NGFR: variants seen among roughly 807,000 people sequenced by gnomAD.
NGFR encodes nerve growth factor receptor.
Under a neutral mutation model 43.2 loss-of-function variants are expected in NGFR, and 30 were observed. The ratio of observed to expected loss-of-function variants is 0.69; its 90% confidence interval spans 0.52 to 0.94. The LOEUF is 0.94. Ranked by LOEUF, NGFR falls within the 40% of genes least tolerant of loss-of-function variation. The probability of loss-of-function intolerance (pLI) is 0.00; values close to 1 mark genes in which losing one functional copy is unlikely to be tolerated. For synonymous variants in NGFR, 246 were observed against 259.6 expected, an observed-to-expected ratio of 0.95 and a Z score of 0.50; for missense variants, 529 against 602.5, an observed-to-expected ratio of 0.88 and a Z score of 1.28.
At chr17:49,507,141 G>A (rs963433181) in intron 3 of NGFR, among the ~76,000 whole-genome samples, 4 of 152,122 alleles carry the variant, frequency 2.6e-5, no homozygotes, top group Admixed American at 6.5e-5. Flanking sequence ...CCTGGTCTAG[G>A]TCCATGGTGG....
chr17:49,511,735 G>A (rs2071233665), intron 4 of NGFR, among the ~76,000 whole-genome samples, 157 bp from the exon 5 acceptor site: 1 of 152,112 alleles, frequency 6.6e-6, no homozygotes, highest in East Asian at 1.9e-4. Context: ...GGTAGGTGGG[G>A]GCAGATGTGC....
In NGFR at chr17:49,510,383, G is replaced by A. The variant is rs563295846; in HGVS notation, c.569-29G>A. On this transcript the variant is annotated intron_variant, in intron 3 of 5. Transcript: ENST00000172229. ...TAAAAGGGAGGAGTGGGGGAAGTGG[G>A]TCCTCACTCCTGTGGCCTTTTCTCC... The A allele has an allele frequency of 5.6e-6, 9 of 1,607,770 alleles. No individual in the cohort carries two copies. The South Asian group carries it at 7.7e-5, about 14-fold the overall frequency.
chr17:49,497,052 T>C (rs189982313), intron 1 of NGFR: 10 of 152,352 alleles, frequency 6.6e-5, no homozygotes, highest in African/African-American at 1.9e-4. Context: ...TCACAGCAAG[T>C]TGGGCCAGAG....
At chr17:49,505,930 G>A (rs867182437) in intron 2 of NGFR, 5 of 221,094 alleles carry the variant, frequency 2.3e-5, no homozygotes, top group Middle Eastern at 1.4e-3. Flanking sequence ...GGGGAGGGCT[G>A]GGTGGGAACC....
At chr17:49,509,895 A>G (rs961437884) in intron 3 of NGFR, among the ~76,000 whole-genome samples, 2 of 152,180 alleles carry the variant, frequency 1.3e-5, no homozygotes, top group Non-Finnish European at 2.9e-5. Context: ...CTCTCTGACC[A>G]GACCTGTGTA....
At chr17:49,500,397 C>T (rs1044495422) in intron 1 of NGFR, among the ~76,000 whole-genome samples, 1 of 152,208 alleles carries the variant, frequency 6.6e-6, no homozygotes, top group Non-Finnish European at 1.5e-5. Flanking sequence ...ATGCCAGATA[C>T]CGCATCAGGC....
intron 3 of NGFR, among the ~76,000 whole-genome samples, chr17:49,509,849 G>A (rs747890954): frequency 6.6e-6 from 1 of 152,198 alleles, no homozygotes; most frequent in African/African-American, 2.4e-5. Flanking sequence ...CAAAAAGTCG[G>A]GGAGTGCTCT....
chr17:49,512,820 G>T lies in NGFR; in HGVS notation c.1095G>T (p.Glu365Asp). Residue 365 changes from glutamate (E) to aspartate (D), a missense_variant, in exon 6 of 6, where the codon GAG becomes GAT. By Grantham distance (45) the Glu-to-Asp change is conservative. Coordinates refer to ENST00000172229, the MANE Select transcript of NGFR (RefSeq NM_002507.4). This position sits in a 1 kb window ranked among gnomAD's most constrained non-coding sequence, Gnocchi z 5.2. ...ACACCTGGCGGCACCTGGCGGGCGA[G>T]CTGGGCTACCAGCCCGAGCACATAG... ...AGDTWRHLAG[E>D]LGYQPEHIDS... 2 of 1,613,470 alleles carry T rather than the reference G, an allele frequency of 1.2e-6. No individual in the cohort carries two copies. The highest frequency in any genetic ancestry group is 1.7e-6 in the Non-Finnish European group (2 of 1,179,978).
At chr17:49,510,748 C>G in intron 4 of NGFR, 84 bp downstream of exon 4, 6 of 1,541,280 alleles carry the variant, frequency 3.9e-6, no homozygotes, top group Non-Finnish European at 5.3e-6. Flanking sequence ...TGAAAACATA[C>G]ACACCCTTTT....
intron 3 of NGFR, among the ~76,000 whole-genome samples, chr17:49,507,545 A>T (rs974380496): frequency 6.6e-6 from 1 of 152,110 alleles, no homozygotes; most frequent in African/African-American, 2.4e-5. Context: ...GGTTCTTGGG[A>T]TGGGAGAAGG....
Position 49,506,377 on chromosome 17 carries a change from C to A in NGFR, c.287C>A (p.Ser96Ter). 1 of 1,600,368 alleles carries A rather than the reference C, an allele frequency of 6.2e-7. No individual in the cohort carries two copies. Among genetic ancestry groups the A allele is most frequent in the Non-Finnish European group, 8.5e-7 (1 of 1,176,676 alleles). ...CTECVGLQSMSAPCVEADDAV... is the reference protein window; with the variant it reads ...CTECVGLQSM Reference sequence around the variant, plus strand: ...GAGTGCGTGGGGCTCCAGAGCATGTCGGCGCCGTGCGTGGAGGCCGACGAC... The same window carrying A: ...GAGTGCGTGGGGCTCCAGAGCATGTAGGCGCCGTGCGTGGAGGCCGACGAC... The change falls in exon 3 of 6, where the codon TCG becomes TAG. Residue 96 changes from serine to a stop codon, truncating the protein, a stop_gained. Transcript: ENST00000172229. LOFTEE classifies it high-confidence loss of function.
chr17:49,513,172 C>A lies in NGFR; in HGVS notation c.*163C>A. ...CCAGGCCCCAAAACCACAGCCCTGT[C>A]AGTGCAGCCCGTGTGGCCCCTTCAC... On this transcript the variant is annotated 3_prime_UTR_variant, in exon 6 of 6. Coordinates refer to ENST00000172229, the MANE Select transcript of NGFR (RefSeq NM_002507.4). 1 of 702,416 alleles carries A rather than the reference C, an allele frequency of 1.4e-6. No homozygotes were observed. Among genetic ancestry groups the A allele is most frequent in the Non-Finnish European group, 2.3e-6 (1 of 437,948 alleles). The allele number at this position is 702,416 out of a possible 1,614,324, so 43.5% of individuals were successfully genotyped here. A position where few individuals can be genotyped will look rare whatever the true frequency, so the allele number is the denominator to read the frequency against.
intron 3 of NGFR, among the ~76,000 whole-genome samples, chr17:49,508,371 T>A (rs1444888408): frequency 1.3e-5 from 2 of 152,170 alleles, no homozygotes; most frequent in Non-Finnish European, 2.9e-5. Flanking sequence ...CAGCCCACTT[T>A]CCCAGCCACC....
chr17:49,501,295 G>C (rs2071165741), intron 1 of NGFR, among the ~76,000 whole-genome samples: 1 of 152,200 alleles, frequency 6.6e-6, no homozygotes, highest in Non-Finnish European at 1.5e-5. Context: ...TGGGTGGTGA[G>C]AGCAGCCACT....
intron 1 of NGFR, 64 bp from the exon 2 acceptor site, chr17:49,501,999 A>AAC: frequency 3.0e-6 from 1 of 330,984 alleles, no homozygotes; most frequent in Non-Finnish European, 5.9e-6. Flanking sequence ...TCCCCGGAAG[A>AAC]ACCCCCCCCA....
chr17:49,505,965 G>T (rs1310087892), intron 2 of NGFR: 1 of 314,216 alleles, frequency 3.2e-6, no homozygotes, highest in Non-Finnish European at 5.8e-6. Flanking sequence ...CCTTAATCAT[G>T]CTGGGAACAT....
intron 1 of NGFR, chr17:49,497,881 A>G (rs1366642690): frequency 6.6e-6 from 1 of 152,400 alleles, no homozygotes; most frequent in Non-Finnish European, 1.5e-5. Context: ...CCCCTACCGC[A>G]CTGTTCCAGC....
chr17:49,501,999 A>AGGGCCCCCCCCCCCCCCCCCCCC, intron 1 of NGFR, 64 bp from the exon 2 acceptor site: 1 of 330,984 alleles, frequency 3.0e-6, no homozygotes, highest in African/African-American at 2.2e-5. Context: ...TCCCCGGAAG[A>AGGGCCCCCCCCCCCCCCCCCCCC]ACCCCCCCCA....
intron 1 of NGFR, 64 bp from the exon 2 acceptor site, chr17:49,501,998 GA>G: frequency 2.0e-6 from 1 of 508,524 alleles, no homozygotes. Context: ...TTCCCCGGAA[GA>G]ACCCCCCCCA....
Sources: gnomAD v4.1 joint callset for allele counts (sites outside exome capture counted in the v4.1 genomes callset) on GRCh38, gnomAD v4.1.1 for gene constraint, Gnocchi (gnomAD v3.1) non-coding constraint, MANE v1.5 for transcripts, NCBI Gene and HGNC (gene_info 2026-07-23, HGNC 2026-07-21) for gene names.